SI: variants seen among roughly 807,000 people sequenced by gnomAD.
SI encodes the protein sucrase-isomaltase.
A neutral mutation model predicts 253.3 loss-of-function variants in SI; 235 were observed. That is an observed-to-expected ratio of 0.93 (90% CI 0.83 to 1.03). The LOEUF (loss-of-function observed/expected upper bound fraction) is 1.03. SI is among the 50% of genes least tolerant of loss of function. The pLI is 0.00. For synonymous variants in SI, 819 were observed against 712.0 expected, an observed-to-expected ratio of 1.15 and a Z score of -2.39; for missense variants, 2,442 against 2,211.1, an observed-to-expected ratio of 1.10 and a Z score of -2.09.
In SI at chr3:164,991,375, G is replaced by A. The variant is rs774867899; in HGVS notation, c.5086C>T (p.Pro1696Ser). ...TACCTGTAAAATGTGTTTTGAGCTG[G>A]CTCTTGACATGGTAGGATGTGACCA... ...RGGHILPCQEPAQNTFYSRQK... is the reference protein window; with the variant it reads ...RGGHILPCQESAQNTFYSRQK... The change falls in exon 44 of 48, where the codon CCA becomes TCA. Residue 1696 changes from proline (P) to serine (S), a missense_variant. Physicochemically the swap from Pro to Ser is moderately conservative, Grantham distance 74 (BLOSUM62 -1). Coordinates refer to ENST00000264382, the MANE Select transcript of SI (RefSeq NM_001041.4). The A allele has an allele frequency of 1.9e-6, 3 of 1,613,556 alleles. No individual in the cohort carries two copies. Among genetic ancestry groups the A allele is most frequent in the African/African-American group, 2.7e-5 (2 of 74,856 alleles).
chr3:165,035,537 T>A (rs901609482), intron 22 of SI, among the ~76,000 whole-genome samples: 1 of 151,616 alleles, frequency 6.6e-6, no homozygotes, highest in African/African-American at 2.4e-5. Flanking sequence ...AATAAATAAA[T>A]ATTCACATGT....
Position 165,039,150 on chromosome 3 carries a change from T to A in SI, c.2245-16A>T, listed in dbSNP as rs1272581741. 1 of 1,529,882 alleles carries A rather than the reference T, an allele frequency of 6.5e-7. No homozygotes were observed. Among genetic ancestry groups the A allele is most frequent in the African/African-American group, 1.4e-5 (1 of 73,012 alleles). 94.8% of individuals were successfully genotyped at this position (1,529,882 alleles called of 1,614,324 possible). A position where few individuals can be genotyped will look rare whatever the true frequency, so the allele number is the denominator to read the frequency against. On this transcript the variant is annotated splice_polypyrimidine_tract_variant and intron_variant, in intron 19 of 47. Coordinates refer to ENST00000264382, the MANE Select transcript of SI (RefSeq NM_001041.4). ...TATCTGCTCCCTAAAATAAAGATAA[T>A]ATGTATTTTTTAATTTCAATTTTTA...
chr3:165,083,277 C>T (rs1027965021), upstream of SI, among the ~76,000 whole-genome samples: 5 of 151,824 alleles, frequency 3.3e-5, no homozygotes, highest in African/African-American at 7.3e-5. Flanking sequence ...TAGCTAAATT[C>T]TAGTCAATGG....
chr3:165,043,407 T>C (rs1238222848), intron 16 of SI, among the ~76,000 whole-genome samples: 1 of 152,052 alleles, frequency 6.6e-6, no homozygotes, highest in Non-Finnish European at 1.5e-5. Flanking sequence ...TCTTATCCTT[T>C]TGTATTTACA....
intron 45 of SI, among the ~76,000 whole-genome samples, chr3:164,983,929 A>G (rs147158639): frequency 1.5e-4 from 23 of 152,198 alleles, no homozygotes; most frequent in African/African-American, 5.1e-4. Context: ...ACTCATTTTA[A>G]TGATCATCCT....
rs577568902 is a variant in SI, at chr3:165,049,556, A to G, written c.1597+235T>C. On this transcript the variant is annotated intron_variant, in intron 14 of 47. Transcript: ENST00000264382. ...CAATATAGAAATATACCTATACCAA[A>G]CTATATTGTACATCATATATTTATG... is the stretch of plus-strand genomic sequence containing the variant. Among the ~76,000 whole-genome samples the G allele has an allele frequency of 3.9e-5, 6 of 152,188 alleles. No homozygotes were observed. In the South Asian group the frequency reaches 1.0e-3, roughly 26 times the overall value.
intron 33 of SI, among the ~76,000 whole-genome samples, 197 bp from the exon 34 acceptor site, chr3:165,013,239 T>G (rs1398536392): frequency 5.3e-5 from 8 of 152,166 alleles, no homozygotes; most frequent in South Asian, 4.1e-4. Context: ...TAGTCTCCTC[T>G]TTAATATGGC....
chr3:165,017,545 T>C lies in SI; in HGVS notation c.3759+3A>G, dbSNP rs765954308. The C allele has an allele frequency of 6.2e-7, 1 of 1,610,952 alleles. No homozygotes were observed. Among genetic ancestry groups the C allele is most frequent in the Non-Finnish European group, 8.5e-7 (1 of 1,177,536 alleles). Reference sequence around the variant, plus strand: ...AACATTGTTTTAAAATTGATATACATACATAGGGGATGTTAGCAGCCACCA... The same window carrying C: ...AACATTGTTTTAAAATTGATATACACACATAGGGGATGTTAGCAGCCACCA... On this transcript the variant is annotated splice_donor_region_variant and intron_variant, in intron 31 of 47. Coordinates refer to ENST00000264382, the MANE Select transcript of SI (RefSeq NM_001041.4).
rs1553768931 is a variant in SI at position 164,989,426 on chromosome 3, A to AAGAG, written c.5108+1926_5108+1927insCTCT. Among the ~76,000 whole-genome samples the AAGAG allele has an allele frequency of 3.8e-3, 563 of 148,684 alleles. 5 individuals carry two copies. The highest frequency in any genetic ancestry group is 6.2e-3 in the Non-Finnish European group (416 of 66,750). ...AAAGAAAGAAAGAAAGAAAGAAAGAAAGAAAGAAAGGAAAGAAAGAAGAGA... is the reference window on the plus strand; with the variant it reads ...AAAGAAAGAAAGAAAGAAAGAAAGAAAGAGAGAAAGAAAGGAAAGAAAGAAGAGA... On this transcript the variant is annotated intron_variant, in intron 44 of 47. Coordinates refer to ENST00000264382, the MANE Select transcript of SI (RefSeq NM_001041.4).
At chr3:165,084,277 A>T in the SI span, among the ~76,000 whole-genome samples, 1 of 151,972 alleles carries the variant, frequency 6.6e-6, no homozygotes, top group African/African-American at 2.4e-5. Flanking sequence ...AACACCCATG[A>T]TTGTGGGAAT....
chr3:165,057,701 GAAA>G (rs368533043), intron 12 of SI, among the ~76,000 whole-genome samples: 1 of 123,820 alleles, frequency 8.1e-6, no homozygotes, highest in African/African-American at 2.9e-5. Flanking sequence ...ATGCTGTAGA[GAAA>G]AAAAAAAAAA....
intron 1 of SI, 86 bp from the exon 2 acceptor site, chr3:165,076,098 T>A: frequency 3.1e-6 from 3 of 983,440 alleles, no homozygotes; most frequent in Non-Finnish European, 4.3e-6. Flanking sequence ...TTACATATTC[T>A]TTTTTTTACT....
chr3:165,063,483 C>T lies in SI; in HGVS notation c.866G>A (p.Gly289Glu). The change falls in exon 8 of 48, where the codon GGA (glycine) becomes GAA (glutamate). Residue 289 changes from glycine (G) to glutamate (E), a missense_variant. Transcript: ENST00000264382. ...CATTAAAAAAACACCGAATGACTTT[C>T]CAGATGTATCTTCAATACACATAAA... ...TFFMCIEDTS[G>E]KSFGVFLMNS... 6.4e-7 allele frequency: 1 copy of T among 1,562,534 alleles called. No individual in the cohort carries two copies. Among genetic ancestry groups the T allele is most frequent in the Non-Finnish European group, 8.8e-7 (1 of 1,136,140 alleles).
intron 25 of SI, among the ~76,000 whole-genome samples, chr3:165,024,281 C>T (rs1479457796): frequency 6.6e-6 from 1 of 151,000 alleles, no homozygotes; most frequent in African/African-American, 2.4e-5. Context: ...AAATAGGAAC[C>T]CTGGCCAAGA....
chr3:165,075,841 T>C (rs1185220282), intron 2 of SI, 54 bp downstream of exon 2: 5 of 1,044,880 alleles, frequency 4.8e-6, no homozygotes, highest in Non-Finnish European at 7.5e-6. Context: ...TATTGTGGAG[T>C]AACTTCCTCC....
In SI at chr3:165,062,222, C is replaced by T. The variant is rs1714020066; in HGVS notation, c.1020+149G>A. 5 of 595,274 alleles carry T rather than the reference C, an allele frequency of 8.4e-6. No individual in the cohort carries two copies. The Admixed American group carries it at 1.5e-4, about 18-fold the overall frequency. 36.9% of individuals were successfully genotyped at this position (595,274 alleles called of 1,614,324 possible). A position where few individuals can be genotyped will look rare whatever the true frequency, so the allele number is the denominator to read the frequency against. ...CATTGTATAGGGGAAAAAAAAAACA[C>T]CCAGCTGCATCTTAAATATGATAAG... On this transcript the variant is annotated intron_variant, in intron 9 of 47. Transcript: ENST00000264382.
rs75291912 is a variant in SI, at chr3:164,992,139, C to T, written c.4983+38G>A. ...GCTAGGGCCAAACAATTACCCGTTT[C>T]TGTTTAGTTAATTCCCCAGAATTCC... On this transcript the variant is annotated intron_variant, in intron 43 of 47. Coordinates refer to ENST00000264382, the MANE Select transcript of SI (RefSeq NM_001041.4). 0.01 allele frequency: 15,616 copies of T among 1,525,030 alleles called. 1,318 individuals carry two copies. The African/African-American group carries it at 0.19, about 18-fold the overall frequency. 94.5% of individuals were successfully genotyped at this position (1,525,030 alleles called of 1,614,324 possible).
chr3:165,024,590 G>A (rs901964918), intron 25 of SI, among the ~76,000 whole-genome samples: 13 of 151,036 alleles, frequency 8.6e-5, no homozygotes, highest in Non-Finnish European at 1.9e-4. Flanking sequence ...TCTATCTAAA[G>A]TGAACAATTT....
At chr3:165,039,822 T>A in intron 19 of SI, 65 bp downstream of exon 19, 1 of 1,079,972 alleles carries the variant, frequency 9.3e-7, no homozygotes, top group East Asian at 2.4e-5. Context: ...AGATGTTTTG[T>A]AATGTAGGGT....
Sources: gnomAD v4.1 joint callset for allele counts (sites outside exome capture counted in the v4.1 genomes callset) on GRCh38, gnomAD v4.1.1 for gene constraint, MANE v1.5 for transcripts, NCBI Gene and HGNC (gene_info 2026-07-23, HGNC 2026-07-21) for gene names.